Variants in EGFL6 observed in about 807,000 individuals in gnomAD.
EGFL6 encodes the protein EGF like domain multiple 6, also known as epidermal growth factor-like protein 6.
Under a neutral mutation model 43.1 loss-of-function variants are expected in EGFL6, and 42 were observed. That is an observed-to-expected ratio of 0.98 (90% CI 0.76 to 1.26). The LOEUF is 1.26. Among genes scored for constraint, EGFL6 ranks in the 50% most tolerant of loss-of-function variants. The pLI is 0.00. For missense variants in EGFL6, 429 were observed against 427.8 expected, an observed-to-expected ratio of 1.00 and a Z score of -0.02; for synonymous variants, 164 against 163.2, an observed-to-expected ratio of 1.01 and a Z score of -0.04.
rs185164006 is a variant in EGFL6 at position 13,619,101 on chromosome X, A to C, written c.1103-62A>C. Reference sequence around the variant, plus strand: ...CCTTCTTTGTTTGGTCATTTGATTGATACCTTCTGAGCATGTGGGCTTTAA... The same window carrying C: ...CCTTCTTTGTTTGGTCATTTGATTGCTACCTTCTGAGCATGTGGGCTTTAA... On this transcript the variant is annotated intron_variant, in intron 8 of 11. Coordinates refer to ENST00000361306, the MANE Select transcript of EGFL6 (RefSeq NM_015507.4). The C allele has an allele frequency of 1.7e-5, 15 of 894,662 alleles. No individual in the cohort carries two copies. In the African/African-American group the frequency reaches 2.2e-4, roughly 13 times the overall value. The allele number at this position is 894,662 out of a possible 1,213,427, so 73.7% of individuals were successfully genotyped here. A position where few individuals can be genotyped will look rare whatever the true frequency, so the allele number is the denominator to read the frequency against.
chrX:13,591,390 G>C (rs1372588119), intron 2 of EGFL6, among the ~76,000 whole-genome samples: 1 of 111,534 alleles, frequency 9.0e-6, no homozygotes, highest in Non-Finnish European at 1.9e-5. Context: ...AGTGCAGGGG[G>C]TTCAAGCAAA....
Position 13,589,635 on chromosome X carries a change from G to C in EGFL6, c.154G>C (p.Gly52Arg). ...HYGTKLACCY[G>R]WRRNSKGVCE... ...TGGAACTAAACTGGCCTGCTGCTAC[G>C]GCTGGAGAAGAAACAGCAAGGGAGT... Residue 52 changes from glycine (G) to arginine (R), a missense_variant, in exon 2 of 12, where the codon GGC becomes CGC. By Grantham distance (125) the Gly-to-Arg change is moderately radical (BLOSUM62 -2). Transcript: ENST00000361306. 1 of 1,210,757 alleles carries C rather than the reference G, an allele frequency of 8.3e-7. No homozygotes were observed. The highest frequency in any genetic ancestry group is 1.8e-5 in the South Asian group (1 of 56,836).
intron 3 of EGFL6, among the ~76,000 whole-genome samples, chrX:13,597,768 A>AGT (rs2045608257): frequency 9.2e-6 from 1 of 108,352 alleles, no homozygotes; most frequent in Non-Finnish European, 1.9e-5. Flanking sequence ...TGGGCAACAG[A>AGT]GCGAGACTCC....
intron 7 of EGFL6, among the ~76,000 whole-genome samples, chrX:13,609,390 C>T (rs1016390396): frequency 8.9e-6 from 1 of 112,533 alleles, no homozygotes; most frequent in African/African-American, 3.2e-5. Flanking sequence ...CCAGGAATGT[C>T]TTCCAAGGCA....
intron 9 of EGFL6, among the ~76,000 whole-genome samples, chrX:13,619,666 T>C (rs760208358): frequency 1.8e-5 from 2 of 112,145 alleles, no homozygotes; most frequent in African/African-American, 6.5e-5. Context: ...AAGCCCTCAG[T>C]GGCCTACAGC....
intron 5 of EGFL6, 112 bp from the exon 6 acceptor site, chrX:13,606,267 T>G (rs1004135005): frequency 1.2e-6 from 1 of 815,181 alleles, no homozygotes; most frequent in Non-Finnish European, 1.8e-6. Context: ...TTGGCACCAG[T>G]ATACTATTAT....
intron 11 of EGFL6, among the ~76,000 whole-genome samples, chrX:13,632,272 T>C (rs1287112563): frequency 9.3e-6 from 1 of 108,078 alleles, no homozygotes; most frequent in African/African-American, 3.4e-5. Context: ...TAAATATATC[T>C]TTGACTATAT....
chrX:13,569,941 T>G lies in EGFL6; in HGVS notation c.74+6T>G. 1 of 1,209,720 alleles carries G rather than the reference T, an allele frequency of 8.3e-7. No homozygotes were observed. The highest frequency in any genetic ancestry group is 1.1e-6 in the Non-Finnish European group (1 of 893,822). ...GGTTTCGGGAACGCGGCCAGGTGAG[T>G]GTCTGACTGGCGATTGGCTTCCCCC... On this transcript the variant is annotated splice_donor_region_variant and intron_variant, in intron 1 of 11. Transcript: ENST00000361306.
At chrX:13,623,357 G>A (rs1213414162) in intron 9 of EGFL6, among the ~76,000 whole-genome samples, 1 of 87,456 alleles carries the variant, frequency 1.1e-5, no homozygotes, top group African/African-American at 4.5e-5. Context: ...TTTTAAAAAA[G>A]GGTTTTTGTT....
At chrX:13,626,617 C>T (rs2045781772) in intron 10 of EGFL6, among the ~76,000 whole-genome samples, 1 of 112,056 alleles carries the variant, frequency 8.9e-6, no homozygotes, top group South Asian at 3.7e-4. Context: ...TCTTACATGT[C>T]ATTGACTCAG....
At chrX:13,590,765 T>A (rs1158883114) in intron 2 of EGFL6, among the ~76,000 whole-genome samples, 1 of 112,055 alleles carries the variant, frequency 8.9e-6, no homozygotes, top group East Asian at 2.8e-4. Flanking sequence ...CCATCATAGT[T>A]TGCTTGTGAC....
At chrX:13,606,266 G>A (rs1402185932) in intron 5 of EGFL6, 113 bp from the exon 6 acceptor site, 4 of 816,449 alleles carry the variant, frequency 4.9e-6, no homozygotes, top group Non-Finnish European at 7.1e-6. Context: ...GTTGGCACCA[G>A]TATACTATTA....
chrX:13,631,333 A>G (rs1199951677), intron 11 of EGFL6, among the ~76,000 whole-genome samples: 1 of 112,210 alleles, frequency 8.9e-6, no homozygotes, highest in Non-Finnish European at 1.9e-5. Context: ...TGGGAGACAT[A>G]CTTCTCTTTA....
At position 13,600,001 on chromosome X, in the gene EGFL6, C is replaced by T. The variant is rs34109887; in HGVS notation, c.307C>T (p.Arg103Trp). ...TGTGAATGAGTGTGGAATGAAACCC[C>T]GGCCATGCCAACACAGATGTGTGAA... ...QDVNECGMKP[R>W]PCQHRCVNTH... Residue 103 changes from arginine to tryptophan, a missense_variant, in exon 4 of 12, where the codon CGG (arginine) becomes TGG (tryptophan). Coordinates refer to ENST00000361306, the MANE Select transcript of EGFL6 (RefSeq NM_015507.4). 3.5e-4 allele frequency: 418 copies of T among 1,208,487 alleles called. 3 individuals are homozygous for T. The African/African-American group carries it at 6.6e-3, about 19-fold the overall frequency.
intron 10 of EGFL6, among the ~76,000 whole-genome samples, chrX:13,626,542 T>G (rs1313346057): frequency 8.9e-6 from 1 of 112,082 alleles, no homozygotes; most frequent in East Asian, 2.8e-4. Context: ...ATGAAACCAC[T>G]AGTACAGGTG....
chrX:13,610,065 G>C (rs1398687705), intron 7 of EGFL6, among the ~76,000 whole-genome samples: 1 of 111,630 alleles, frequency 9.0e-6, no homozygotes, highest in Non-Finnish European at 1.9e-5. Flanking sequence ...ACCCATAAAA[G>C]GTTCACAGTA....
At chrX:13,628,443 C>T (rs573282669) in intron 11 of EGFL6, among the ~76,000 whole-genome samples, 6 of 110,052 alleles carry the variant, frequency 5.5e-5, no homozygotes, top group Non-Finnish European at 1.1e-4. Flanking sequence ...GGGGAAGGGT[C>T]GAAGGTCACA....
chrX:13,623,081 C>T (rs1602658920), intron 9 of EGFL6, among the ~76,000 whole-genome samples: 1 of 109,871 alleles, frequency 9.1e-6, no homozygotes, highest in African/African-American at 3.3e-5. Flanking sequence ...CCCAGCTACT[C>T]GGGAAGCTGA....
intron 1 of EGFL6, among the ~76,000 whole-genome samples, chrX:13,576,352 T>C (rs2045471235): frequency 8.9e-6 from 1 of 111,795 alleles, no homozygotes; most frequent in Admixed American, 9.4e-5. Context: ...ACCAAGGGGA[T>C]GGTGCTAAAC....
Sources: gnomAD v4.1 joint callset for allele counts (sites outside exome capture counted in the v4.1 genomes callset) on GRCh38, gnomAD v4.1.1 for gene constraint, MANE v1.5 for transcripts, NCBI Gene and HGNC (gene_info 2026-07-23, HGNC 2026-07-21) for gene names.